RXFP2: variants seen among roughly 807,000 people sequenced by gnomAD.
RXFP2 encodes relaxin receptor 2.
RXFP2 carries 68 observed loss-of-function variants against 88.6 expected under a neutral mutation model. The observed-to-expected ratio is 0.77, with a 90% CI of 0.63 to 0.94. The LOEUF is 0.94. Ranked by LOEUF, RXFP2 falls within the 40% of genes least tolerant of loss-of-function variation. RXFP2 has a pLI of 0.00. For synonymous variants in RXFP2, 329 were observed against 306.8 expected, an observed-to-expected ratio of 1.07 and a Z score of -0.76; for missense variants, 791 against 893.9, an observed-to-expected ratio of 0.88 and a Z score of 1.47.
chr13:31,744,161 C>T (rs1193596729), intron 1 of RXFP2, among the ~76,000 whole-genome samples: 5 of 152,122 alleles, frequency 3.3e-5, no homozygotes, highest in African/African-American at 1.2e-4. Flanking sequence ...TGCCCAAATA[C>T]CACCAAATGA....
chr13:31,783,808 G>GTTTTGT (rs574085190), intron 11 of RXFP2, among the ~76,000 whole-genome samples: 1 of 77,776 alleles, frequency 1.3e-5, no homozygotes, highest in African/African-American at 4.9e-5. Context: ...TTGTTTGTTT[G>GTTTTGT]TTTGTTTTGT....
intron 1 of RXFP2, among the ~76,000 whole-genome samples, chr13:31,745,951 A>C (rs1871394891): frequency 6.6e-6 from 1 of 152,226 alleles, no homozygotes; most frequent in Non-Finnish European, 1.5e-5. Flanking sequence ...GAGGCAGCAG[A>C]GCAACAAGGA....
chr13:31,763,634 C>T (rs1256963277), intron 3 of RXFP2, among the ~76,000 whole-genome samples: 2 of 152,080 alleles, frequency 1.3e-5, no homozygotes, highest in Non-Finnish European at 2.9e-5. Flanking sequence ...GAGAGAGATG[C>T]AAAAGGAGTT....
chr13:31,771,839 C>T (rs550824732), intron 5 of RXFP2, among the ~76,000 whole-genome samples: 16 of 151,298 alleles, frequency 1.1e-4, no homozygotes, highest in Admixed American at 3.3e-4. Flanking sequence ...TTGTCTTCTA[C>T]GAAACCGTGG....
chr13:31,766,022 A>G lies in RXFP2; in HGVS notation c.492A>G (p.Lys164=), dbSNP rs1566222450. ...DKVFIKYTKL[K]KIFLQHNCIR... Reference sequence around the variant, plus strand: ...TTTTCATCAAATACACAAAACTTAAAAAGATGTAAGTAGCCGTTAATAGCA... The same window carrying G: ...TTTTCATCAAATACACAAAACTTAAGAAGATGTAAGTAGCCGTTAATAGCA... Residue 164 remains lysine (K), a synonymous_variant, in exon 5 of 18, where the codon AAA becomes AAG. Transcript: ENST00000298386. The G allele has an allele frequency of 2.0e-6, 3 of 1,516,158 alleles. No homozygotes were observed. The highest frequency in any genetic ancestry group is 1.7e-5 in the Admixed American group (1 of 59,310). The allele number at this position is 1,516,158 out of a possible 1,614,324, so 93.9% of individuals were successfully genotyped here.
At chr13:31,771,247 A>G (rs922898030) in intron 5 of RXFP2, among the ~76,000 whole-genome samples, 2 of 152,338 alleles carry the variant, frequency 1.3e-5, no homozygotes, top group Middle Eastern at 3.4e-3. Context: ...CAGACCCCAA[A>G]TCACAGAGCG....
chr13:31,743,620 T>G (rs1215702821), intron 1 of RXFP2, among the ~76,000 whole-genome samples: 6 of 151,876 alleles, frequency 4.0e-5, no homozygotes, highest in Non-Finnish European at 8.8e-5. Context: ...CGGGCCCCCT[T>G]GCTCCTGTTC....
rs1873816312 is a variant in RXFP2, at chr13:31,792,002, A to G, written c.1342A>G (p.Thr448Ala). ...GAGATCTTTCATTAAAGCTGAAAAT[A>G]CAACTCACGCTATGTCCATCAAAAT... is the stretch of plus-strand genomic sequence containing the variant. The part of the protein sequence containing the change: ...GMRSFIKAEN[T>A]THAMSIKILC... The change falls in exon 15 of 18, where the codon ACA (threonine) becomes GCA (alanine). Residue 448 changes from threonine (T) to alanine (A), a missense_variant. By Grantham distance (58) the Thr-to-Ala change is moderately conservative (BLOSUM62 0). Transcript: ENST00000298386. The G allele has an allele frequency of 6.2e-7, 1 of 1,613,790 alleles. No individual in the cohort carries two copies.
chr13:31,778,998 A>G (rs771239759), intron 9 of RXFP2, among the ~76,000 whole-genome samples: 2 of 152,144 alleles, frequency 1.3e-5, no homozygotes, highest in Non-Finnish European at 2.9e-5. Flanking sequence ...CACACCAACC[A>G]GTTTCAGCAG....
intron 1 of RXFP2, among the ~76,000 whole-genome samples, chr13:31,740,049 G>A (rs940256160): frequency 1.3e-5 from 2 of 152,076 alleles, no homozygotes; most frequent in Non-Finnish European, 2.9e-5. Flanking sequence ...ATTGTGTTTT[G>A]TGGAATTTCA....
intron 1 of RXFP2, among the ~76,000 whole-genome samples, chr13:31,755,709 G>C (rs1157408420): frequency 6.6e-6 from 1 of 152,124 alleles, no homozygotes; most frequent in African/African-American, 2.4e-5. Context: ...TGCGTGAACA[G>C]GTTTAACAAG....
At chr13:31,774,933 G>A (rs549610137) in intron 6 of RXFP2, among the ~76,000 whole-genome samples, 13 of 152,194 alleles carry the variant, frequency 8.5e-5, no homozygotes, top group African/African-American at 3.1e-4. Context: ...CAATATTTTA[G>A]CATTTTATTT....
chr13:31,768,313 A>C (rs1224934056), intron 5 of RXFP2, among the ~76,000 whole-genome samples: 1 of 152,214 alleles, frequency 6.6e-6, no homozygotes, highest in Non-Finnish European at 1.5e-5. Context: ...CTCATCAATA[A>C]ACATTCACCA....
chr13:31,756,352 G>T (rs1390988822), intron 1 of RXFP2, among the ~76,000 whole-genome samples: 1 of 152,122 alleles, frequency 6.6e-6, no homozygotes, highest in Non-Finnish European at 1.5e-5. Context: ...ATACACAGTT[G>T]CCATTAACAT....
At chr13:31,753,305 G>A (rs1871758801) in intron 1 of RXFP2, among the ~76,000 whole-genome samples, 1 of 152,150 alleles carries the variant, frequency 6.6e-6, no homozygotes, top group Admixed American at 6.5e-5. Context: ...AAATAGCCTT[G>A]AGCAGCAATC....
In RXFP2 at chr13:31,765,927, A is replaced by G. The variant is rs373603912; in HGVS notation, c.426-29A>G. The G allele has an allele frequency of 2.5e-5, 29 of 1,144,170 alleles. No homozygotes were observed. The African/African-American group carries it at 4.3e-4, about 17-fold the overall frequency. 70.9% of individuals were successfully genotyped at this position (1,144,170 alleles called of 1,614,324 possible). On this transcript the variant is annotated intron_variant, in intron 4 of 17. Transcript: ENST00000298386. ...GAGTGGGTTGGCCATAACAATCCAT[A>G]ATGAAGTTTGCTTTACATGTTATTT...
chr13:31,794,058 G>C (rs2138461261), intron 16 of RXFP2, among the ~76,000 whole-genome samples: 1 of 152,242 alleles, frequency 6.6e-6, no homozygotes, highest in African/African-American at 2.4e-5. Context: ...GAGACCTTCA[G>C]TGGCTCCCTA....
chr13:31,748,548 C>T (rs1223567118), intron 1 of RXFP2, among the ~76,000 whole-genome samples: 1 of 152,144 alleles, frequency 6.6e-6, no homozygotes, highest in African/African-American at 2.4e-5. Context: ...GGTACCTATT[C>T]AAGTCTCTTG....
At chr13:31,785,829 G>A (rs1873511403) in intron 11 of RXFP2, among the ~76,000 whole-genome samples, 1 of 152,062 alleles carries the variant, frequency 6.6e-6, no homozygotes, top group South Asian at 2.1e-4. Context: ...GGATTGGACA[G>A]TCCTATTATA....
Sources: allele counts gnomAD v4.1 joint callset (sites outside exome capture counted in the v4.1 genomes callset), GRCh38; gene constraint gnomAD v4.1.1; transcripts MANE v1.5; gene names NCBI Gene and HGNC (gene_info 2026-07-23, HGNC 2026-07-21).